Variants in CUX1 observed in about 807,000 individuals in gnomAD.
CUX1 encodes protein CASP.
A neutral mutation model predicts 158.8 loss-of-function variants in CUX1; 31 were observed. That is an observed-to-expected ratio of 0.20 (90% CI 0.15 to 0.26). CUX1 has a LOEUF of 0.26. Among genes scored for constraint, CUX1 ranks in the 10% least tolerant of loss-of-function variants. The probability of loss-of-function intolerance (pLI) is 1.00; values close to 1 mark genes in which losing one functional copy is unlikely to be tolerated. For synonymous variants in CUX1, 879 were observed against 862.1 expected, an observed-to-expected ratio of 1.02 and a Z score of -0.34; for missense variants, 1,589 against 2,014.6, an observed-to-expected ratio of 0.79 and a Z score of 4.04.
In CUX1 at chr7:102,172,865, C is replaced by A. The variant is rs569267593; in HGVS notation, c.828+2315C>A. ...TCACTTGAGGCCAGGAGTTTGAGACCGGCCAGGGCAAAATATCGAAACCCC... is the reference window on the plus strand; with the variant it reads ...TCACTTGAGGCCAGGAGTTTGAGACAGGCCAGGGCAAAATATCGAAACCCC... On this transcript the variant is annotated intron_variant, in intron 10 of 23. Transcript: ENST00000292535. Among the ~76,000 whole-genome samples, 4 of 152,142 alleles carry A rather than the reference C, an allele frequency of 2.6e-5. No homozygotes were observed. In the South Asian group the frequency reaches 8.3e-4, roughly 32 times the overall value.
intron 2 of CUX1, among the ~76,000 whole-genome samples, chr7:102,010,159 G>A (rs1276775458): frequency 1.3e-5 from 2 of 151,966 alleles, no homozygotes; most frequent in Non-Finnish European, 2.9e-5. Context: ...CTTCGGAGGC[G>A]GGGGTGGGCA....
intron 1 of CUX1, among the ~76,000 whole-genome samples, chr7:101,913,805 T>C (rs1249469301): frequency 1.3e-5 from 2 of 152,246 alleles, no homozygotes; most frequent in Non-Finnish European, 2.9e-5. Flanking sequence ...TCCTAAGTTT[T>C]CTGCGTCTGT....
At chr7:101,944,731 C>G (rs1405770004) in intron 2 of CUX1, among the ~76,000 whole-genome samples, 4 of 152,146 alleles carry the variant, frequency 2.6e-5, no homozygotes, top group Non-Finnish European at 5.9e-5. Context: ...GTTTTTAAAC[C>G]CTGTGCCTCT....
chr7:102,253,310 G>A lies in CUX1; in HGVS notation c.*4268G>A. ...CCTCCTTGGCCAGGGCCAGCATCAG[G>A]CGTGCAGCTCATGACCAGTTTACAC... On this transcript the variant is annotated 3_prime_UTR_variant, in exon 24 of 24. Transcript: ENST00000292535. The A allele has an allele frequency of 4.1e-6, 4 of 985,578 alleles. No homozygotes were observed. The highest frequency in any genetic ancestry group is 4.8e-6 in the Non-Finnish European group (4 of 830,048). The allele number at this position is 985,578 out of a possible 1,614,324, so 61.1% of individuals were successfully genotyped here.
intron 2 of CUX1, among the ~76,000 whole-genome samples, chr7:101,995,785 G>A (rs1285329615): frequency 6.6e-6 from 1 of 152,176 alleles, no homozygotes; most frequent in Non-Finnish European, 1.5e-5. Flanking sequence ...GAAGCAGCTT[G>A]CAGGAAGGTT....
At chr7:101,991,037 C>G (rs1265593593) in intron 2 of CUX1, among the ~76,000 whole-genome samples, 1 of 152,186 alleles carries the variant, frequency 6.6e-6, no homozygotes, top group African/African-American at 2.4e-5. Context: ...GAACCAGCGC[C>G]CATAGATACA....
intron 4 of CUX1, among the ~76,000 whole-genome samples, chr7:102,086,534 A>G (rs1300159465): frequency 6.6e-6 from 1 of 151,928 alleles, no homozygotes; most frequent in African/African-American, 2.4e-5. Context: ...CTGTTTAGTT[A>G]GTGGTGTTCT....
Position 102,254,825 on chromosome 7 carries a change from C to T in CUX1, c.*5783C>T. 4.1e-6 allele frequency: 4 copies of T among 985,458 alleles called. No individual in the cohort carries two copies. Among genetic ancestry groups the T allele is most frequent in the Non-Finnish European group, 4.8e-6 (4 of 829,940 alleles). 61.0% of individuals were successfully genotyped at this position (985,458 alleles called of 1,614,324 possible). On this transcript the variant is annotated 3_prime_UTR_variant, in exon 24 of 24. Coordinates refer to ENST00000292535, the MANE Select transcript of CUX1 (RefSeq NM_181552.4). ...GTACTGAATGCCAGTCTGGCCGGCACACTCGAACGCTAAGAGAATGGTCCA... is the reference window on the plus strand; with the variant it reads ...GTACTGAATGCCAGTCTGGCCGGCATACTCGAACGCTAAGAGAATGGTCCA...
chr7:102,046,678 G>C (rs771805812), intron 3 of CUX1, among the ~76,000 whole-genome samples: 9 of 145,916 alleles, frequency 6.2e-5, no homozygotes, highest in Non-Finnish European at 1.0e-4. Flanking sequence ...CTGGGCTCAA[G>C]CAGCCCTCCA....
chr7:101,928,304 T>A (rs1805857917), intron 2 of CUX1, among the ~76,000 whole-genome samples: 1 of 151,998 alleles, frequency 6.6e-6, no homozygotes, highest in Non-Finnish European at 1.5e-5. Context: ...AATGGCTTAT[T>A]GTGTTCATGT....
chr7:102,264,270 T>C (rs1424905860), intron 14 of CUX1, among the ~76,000 whole-genome samples: 1 of 152,118 alleles, frequency 6.6e-6, no homozygotes, highest in Non-Finnish European at 1.5e-5. Flanking sequence ...CCTCCCAAAG[T>C]GCTGGGATTA....
intron 1 of CUX1, among the ~76,000 whole-genome samples, chr7:101,875,278 G>A (rs1234226816): frequency 1.3e-5 from 2 of 152,158 alleles, no homozygotes; most frequent in Non-Finnish European, 2.9e-5. Flanking sequence ...CAGGCCTTCA[G>A]TGGGGTGATG....
intron 8 of CUX1, among the ~76,000 whole-genome samples, chr7:102,121,409 G>A (rs1470244310): frequency 6.6e-6 from 1 of 150,702 alleles, no homozygotes; most frequent in Non-Finnish European, 1.5e-5. Context: ...GCAGTGGCAC[G>A]ATCTTGGCTC....
intron 1 of CUX1, among the ~76,000 whole-genome samples, chr7:101,858,863 G>A (rs748131716): frequency 7.2e-5 from 11 of 152,040 alleles, no homozygotes; most frequent in Admixed American, 2.0e-4. Flanking sequence ...ACTAGGTTTC[G>A]CCATGTTGGC....
intron 4 of CUX1, among the ~76,000 whole-genome samples, chr7:102,089,816 G>A (rs1381688131): frequency 6.6e-6 from 1 of 152,234 alleles, no homozygotes; most frequent in Non-Finnish European, 1.5e-5. Flanking sequence ...ATCTTGTGAT[G>A]TGTGTCCTTC....
chr7:102,219,315 G>A (rs1398219591), intron 20 of CUX1, among the ~76,000 whole-genome samples: 1 of 152,070 alleles, frequency 6.6e-6, no homozygotes, highest in African/African-American at 2.4e-5. Flanking sequence ...GTGGGGCAGA[G>A]CTACCACCCA....
At chr7:101,952,127 C>T (rs1392280356) in intron 2 of CUX1, among the ~76,000 whole-genome samples, 3 of 152,150 alleles carry the variant, frequency 2.0e-5, no homozygotes, top group Non-Finnish European at 4.4e-5. Context: ...GTGGCTCACA[C>T]CTATAATCCC....
intron 2 of CUX1, among the ~76,000 whole-genome samples, chr7:101,941,242 A>G (rs1417308749): frequency 1.3e-5 from 2 of 152,220 alleles, no homozygotes; most frequent in East Asian, 3.8e-4. Flanking sequence ...CCCAGAAGCC[A>G]TGCTGGAGTC....
chr7:102,015,133 C>T (rs1273755229), intron 2 of CUX1, among the ~76,000 whole-genome samples: 1 of 152,156 alleles, frequency 6.6e-6, no homozygotes, highest in Non-Finnish European at 1.5e-5. Flanking sequence ...TTTAGGTAAA[C>T]TAGTTGCACA....
Sources: gnomAD v4.1 joint callset for allele counts (sites outside exome capture counted in the v4.1 genomes callset) on GRCh38, gnomAD v4.1.1 for gene constraint, MANE v1.5 for transcripts, NCBI Gene and HGNC (gene_info 2026-07-23, HGNC 2026-07-21) for gene names.